The following HSPA14 variants were observed in gnomAD, a reference collection of about 807,000 sequenced individuals.
HSPA14 encodes heat shock protein family A (Hsp70) member 14.
Under a neutral mutation model 65.5 loss-of-function variants are expected in HSPA14, and 37 were observed. The ratio of observed to expected loss-of-function variants is 0.56; its 90% CI spans 0.43 to 0.74. The LOEUF is 0.74. Among genes scored for constraint, HSPA14 ranks in the 30% least tolerant of loss-of-function variants. HSPA14 has a pLI of 0.00. For synonymous variants in HSPA14, 203 were observed against 214.2 expected (o/e 0.95, Z 0.46); for missense variants, 564 against 607.6 (o/e 0.93, Z 0.75).
intron 13 of HSPA14, 67 bp downstream of exon 13, chr10:14,870,734 GA>G (rs1832846988): frequency 1.5e-6 from 2 of 1,336,784 alleles, no homozygotes; most frequent in Non-Finnish European, 2.0e-6. Context: ...TGAGTTTATT[GA>G]TTTTTTTATT....
Position 14,867,897 on chromosome 10 carries a change from C to G in HSPA14, c.1368C>G (p.Thr456=). 6.2e-7 allele frequency: 1 copy of G among 1,612,992 alleles called. No individual in the cohort carries two copies. Among genetic ancestry groups the G allele is most frequent in the Non-Finnish European group, 8.5e-7 (1 of 1,179,600 alleles). ...GGAAGAACTCTGCCAAAGAGGAAAC[C>G]AAGTTTGCACAGGTGAATACATAAA... The part of the protein sequence containing the change: ...SDGKNSAKEE[T]KFAQVVLQDL... The change falls in exon 12 of 14, where the codon ACC becomes ACG. Residue 456 remains threonine, a synonymous_variant. Transcript: ENST00000378372.
At chr10:14,845,761 C>A in intron 3 of HSPA14, 1 of 172,390 alleles carries the variant, frequency 5.8e-6, no homozygotes, top group Non-Finnish European at 1.2e-5. Flanking sequence ...GGGGTTTCAC[C>A]ATGTTGGCCA....
intron 13 of HSPA14, 128 bp downstream of exon 13, chr10:14,870,795 T>C (rs887382619): frequency 1.1e-6 from 1 of 880,482 alleles, no homozygotes; most frequent in African/African-American, 1.7e-5. Flanking sequence ...TTTTTATCAG[T>C]GAATTACATT....
chr10:14,850,118 C>T (rs1834097108), intron 6 of HSPA14, among the ~76,000 whole-genome samples: 1 of 151,950 alleles, frequency 6.6e-6, no homozygotes, highest in African/African-American at 2.4e-5. Flanking sequence ...TATTAAAATA[C>T]AAAAATTAGC....
intron 13 of HSPA14, 123 bp downstream of exon 13, chr10:14,870,790 ATC>A: frequency 1.1e-6 from 1 of 930,638 alleles, no homozygotes; most frequent in Non-Finnish European, 1.5e-6. Context: ...AGAGGTTTTT[ATC>A]AGTGAATTAC....
chr10:14,869,483 G>A (rs1424691932), intron 12 of HSPA14, among the ~76,000 whole-genome samples: 1 of 151,968 alleles, frequency 6.6e-6, no homozygotes, highest in African/African-American at 2.4e-5. Flanking sequence ...TTTTAGTAGA[G>A]ACAGTTTCAC....
Position 14,842,307 on chromosome 10 carries a change from C to G in HSPA14, c.221+2150C>G. On this transcript the variant is annotated intron_variant, in intron 3 of 13. Transcript: ENST00000378372. The surrounding 1 kb of genome is among the most constrained non-coding windows in gnomAD (Gnocchi z 5.2). Reference sequence around the variant, plus strand: ...ACAATGGCCAGTGCCAATAGCAGTGCGGGCATCCGGTGGTCCAGACAGGAG... The same window carrying G: ...ACAATGGCCAGTGCCAATAGCAGTGGGGGCATCCGGTGGTCCAGACAGGAG... 2.6e-6 allele frequency: 4 copies of G among 1,535,744 alleles called. No individual in the cohort carries two copies. The highest frequency in any genetic ancestry group is 3.5e-6 in the Non-Finnish European group (4 of 1,146,644).
chr10:14,849,862 C>T (rs747574973), intron 6 of HSPA14, 51 bp downstream of exon 6: 4 of 1,068,234 alleles, frequency 3.7e-6, no homozygotes, highest in East Asian at 4.7e-5. Context: ...AGTACAAAGT[C>T]ACTATATAGT....
intron 10 of HSPA14, among the ~76,000 whole-genome samples, chr10:14,864,262 C>T (rs1320475343): frequency 2.8e-5 from 4 of 144,300 alleles, no homozygotes; most frequent in African/African-American, 1.0e-4. Flanking sequence ...CAATATTTTC[C>T]AAGGTTGGTT....
intron 1 of HSPA14, 93 bp downstream of exon 1, chr10:14,838,552 G>A: frequency 7.9e-7 from 1 of 1,269,614 alleles, no homozygotes; most frequent in South Asian, 1.4e-5. Flanking sequence ...GCGTGTCGCC[G>A]GCCTAGGGAT....
At chr10:14,870,207 T>C (rs112912731) in intron 12 of HSPA14, among the ~76,000 whole-genome samples, 2 of 152,340 alleles carry the variant, frequency 1.3e-5, no homozygotes, top group South Asian at 2.1e-4. Flanking sequence ...GCTTGATTTT[T>C]TTTTTTTAAG....
At chr10:14,862,976 G>A (rs1380972054) in intron 10 of HSPA14, among the ~76,000 whole-genome samples, 1 of 152,190 alleles carries the variant, frequency 6.6e-6, no homozygotes, top group Admixed American at 6.5e-5. Flanking sequence ...GAGCCACTGC[G>A]CTTGGCCTTT....
chr10:14,843,954 C>T, intron 3 of HSPA14: 1 of 1,518,202 alleles, frequency 6.6e-7, no homozygotes. Context: ...CCAAACCTGC[C>T]TTCTGAATCC....
chr10:14,852,666 ATT>A (rs1329664870), intron 8 of HSPA14, 135 bp downstream of exon 8: 2 of 726,340 alleles, frequency 2.8e-6, no homozygotes, highest in Admixed American at 2.8e-5. Flanking sequence ...GAAACTGGAT[ATT>A]TTCATATCTA....
intron 11 of HSPA14, 29 bp downstream of exon 11, chr10:14,867,324 G>GGTATGTTT: frequency 6.8e-7 from 1 of 1,468,770 alleles, no homozygotes; most frequent in Non-Finnish European, 9.5e-7. Flanking sequence ...TACTAGTTAA[G>GGTATGTTT]GTATGTTTAG....
At chr10:14,847,339 G>A (rs1044759964) in intron 3 of HSPA14, among the ~76,000 whole-genome samples, 2 of 152,032 alleles carry the variant, frequency 1.3e-5, no homozygotes, top group Admixed American at 1.3e-4. Flanking sequence ...TAATATTGGT[G>A]CAAAACCCGC....
intron 12 of HSPA14, 48 bp downstream of exon 12, chr10:14,867,957 GGATTA>G (rs1436724665): frequency 1.4e-6 from 2 of 1,465,904 alleles, no homozygotes; most frequent in Admixed American, 2.1e-5. Context: ...TTTGCTTTCT[GGATTA>G]GATTCAGTTT....
At chr10:14,858,964 T>C (rs1832729610) in intron 10 of HSPA14, among the ~76,000 whole-genome samples, 1 of 152,184 alleles carries the variant, frequency 6.6e-6, no homozygotes, top group African/African-American at 2.4e-5. Context: ...CTTCTCATTT[T>C]AGTACCTGGG....
chr10:14,840,186 T>A, intron 3 of HSPA14, 29 bp downstream of exon 3: 1 of 1,086,806 alleles, frequency 9.2e-7, no homozygotes, highest in Non-Finnish European at 1.3e-6. Flanking sequence ...CTTTTAAATA[T>A]GGTAATAGGA....
Sources: allele counts gnomAD v4.1 joint callset (sites outside exome capture counted in the v4.1 genomes callset), GRCh38; gene constraint gnomAD v4.1.1; non-coding constraint Gnocchi (gnomAD v3.1); transcripts MANE v1.5; gene names NCBI Gene and HGNC (gene_info 2026-07-23, HGNC 2026-07-21).